Variants in GPSM1 observed in about 807,000 individuals in gnomAD.
The protein encoded by GPSM1 is G protein signaling modulator 1, also known as G protein-signaling modulator 1.
GPSM1 carries 48 observed loss-of-function variants against 70.5 expected under a neutral mutation model. The ratio of observed to expected loss-of-function variants is 0.68; its 90% CI spans 0.54 to 0.87. The LOEUF is 0.87. GPSM1 is among the 40% of genes least tolerant of loss of function. The probability of loss-of-function intolerance (pLI) is 0.00; values close to 1 mark genes in which losing one functional copy is unlikely to be tolerated. For synonymous variants in GPSM1, 416 were observed against 430.1 expected, an observed-to-expected ratio of 0.97 and a Z score of 0.41; for missense variants, 981 against 972.6, an observed-to-expected ratio of 1.01 and a Z score of -0.11.
Position 136,337,434 on chromosome 9 carries a change from C to G in GPSM1, c.579-7C>G. 1 of 1,568,604 alleles carries G rather than the reference C, an allele frequency of 6.4e-7. No homozygotes were observed. The highest frequency in any genetic ancestry group is 8.6e-7 in the Non-Finnish European group (1 of 1,156,948). On this transcript the variant is annotated splice_region_variant and splice_polypyrimidine_tract_variant and intron_variant, in intron 4 of 13. Transcript: ENST00000440944. Reference sequence around the variant, plus strand: ...AGGGACACGGCTCAGAGGCACTCGGCCCCCAGGAGGAACCTGTCCCTGGTG... The same window carrying G: ...AGGGACACGGCTCAGAGGCACTCGGGCCCCAGGAGGAACCTGTCCCTGGTG...
At chr9:136,330,756 G>C (rs1832080426) in intron 1 of GPSM1, among the ~76,000 whole-genome samples, 1 of 152,198 alleles carries the variant, frequency 6.6e-6, no homozygotes, top group South Asian at 2.1e-4. Context: ...ACGGCTTTCG[G>C]GTGGCCGGAG....
chr9:136,344,424 G>A (rs1832472303), intron 9 of GPSM1, among the ~76,000 whole-genome samples: 1 of 152,228 alleles, frequency 6.6e-6, no homozygotes, highest in Non-Finnish European at 1.5e-5. Context: ...GGTGCTGTGT[G>A]CTCGGGTGCT....
chr9:136,331,366 C>T (rs4075084), intron 1 of GPSM1, among the ~76,000 whole-genome samples: 10,160 of 140,852 alleles, frequency 0.072, 591 homozygotes, highest in African/African-American at 0.15. Flanking sequence ...GACTCTGAGC[C>T]CCCCCCCCCC....
In GPSM1 at chr9:136,333,682, G is replaced by A. The variant is rs562675837; in HGVS notation, c.69-765G>A. Among the ~76,000 whole-genome samples, 19 of 152,332 alleles carry A rather than the reference G, an allele frequency of 1.2e-4. No homozygotes were observed. In the South Asian group the frequency reaches 3.5e-3, roughly 28 times the overall value. On this transcript the variant is annotated intron_variant, in intron 1 of 13. Coordinates refer to ENST00000440944, the MANE Select transcript of GPSM1 (RefSeq NM_001145638.3). ...ACGGCGGAGTTCACCTTGGGATGGG[G>A]CGCCATCCACATCTTCCCACAGCAG... is the stretch of plus-strand genomic sequence containing the variant.
rs1832225487 is a variant in GPSM1, at chr9:136,336,032, G to A, written c.357G>A (p.Leu119=). The A allele has an allele frequency of 1.2e-6, 2 of 1,612,506 alleles. No homozygotes were observed. Among genetic ancestry groups the A allele is most frequent in the South Asian group, 1.1e-5 (1 of 91,034 alleles). ...ACCTGGGAAACACACTCAAGGTCCT[G>A]GGGCGCTTCGACGAGGCTGCCGTCT... The part of the protein sequence containing the change: ...SGNLGNTLKV[L]GRFDEAAVCC... The change falls in exon 3 of 14, where the codon CTG becomes CTA. Residue 119 remains leucine, a synonymous_variant. Transcript: ENST00000440944.
At chr9:136,339,288 T>A in intron 7 of GPSM1, among the ~76,000 whole-genome samples, 1 of 152,242 alleles carries the variant, frequency 6.6e-6, no homozygotes, top group East Asian at 1.9e-4. Flanking sequence ...TTAGACGCAT[T>A]TCCCTCCAAT....
rs116055529 is a variant in GPSM1 at position 136,358,297 on chromosome 9, G to A, written c.*77G>A. 3.1e-5 allele frequency: 41 copies of A among 1,304,250 alleles called. No homozygotes were observed. The highest frequency in any genetic ancestry group is 2.6e-4 in the Middle Eastern group (1 of 3,918). 80.8% of individuals were successfully genotyped at this position (1,304,250 alleles called of 1,614,324 possible). A position where few individuals can be genotyped will look rare whatever the true frequency, so the allele number is the denominator to read the frequency against. On this transcript the variant is annotated 3_prime_UTR_variant, in exon 14 of 14. Transcript: ENST00000440944. ...CTCACAGTCACAGCCACGTCCTCCC[G>A]AGGCCATTGCCGAGGACAGGCACTG...
chr9:136,327,793 C>CTGGGGCT, intron 1 of GPSM1, 30 bp downstream of exon 1: 1 of 1,012,052 alleles, frequency 9.9e-7, no homozygotes, highest in Non-Finnish European at 1.2e-6. Context: ...GGGCCGGGGC[C>CTGGGGCT]GGGGCTGGGA....
intron 2 of GPSM1, 145 bp downstream of exon 2, chr9:136,334,813 C>A: frequency 1.4e-6 from 1 of 690,652 alleles, no homozygotes; most frequent in South Asian, 1.8e-5. Flanking sequence ...GTGGGGATGG[C>A]CCTGCTGGCG....
intron 1 of GPSM1, chr9:136,331,939 A>AC (rs1832109748): frequency 5.0e-6 from 2 of 397,694 alleles, no homozygotes. Flanking sequence ...AGGCCAGCCC[A>AC]CCCCCCAGGA....
chr9:136,343,997 G>A lies in GPSM1; in HGVS notation c.1207+3004G>A, dbSNP rs777519253. On this transcript the variant is annotated intron_variant, in intron 9 of 13. Coordinates refer to ENST00000440944, the MANE Select transcript of GPSM1 (RefSeq NM_001145638.3). This position sits in a 1 kb window ranked among gnomAD's most constrained non-coding sequence, Gnocchi z 6.0. ...CTTGGTCACCAGGCTCCTGCCGTGT[G>A]CCAGGCACTGCTGGGGCCCTCACTG... 5.3e-5 allele frequency among the ~76,000 whole-genome samples: 8 copies of A among 152,180 alleles called. No homozygotes were observed. The highest frequency in any genetic ancestry group is 1.0e-4 in the Non-Finnish European group (7 of 68,020).
intron 13 of GPSM1, 68 bp downstream of exon 13, chr9:136,356,618 G>T: frequency 8.4e-7 from 1 of 1,189,404 alleles, no homozygotes; most frequent in Non-Finnish European, 1.2e-6. Flanking sequence ...GAGGCAACTT[G>T]TGTCCTGAGG....
chr9:136,327,791 GC>G, intron 1 of GPSM1, 28 bp downstream of exon 1: 2 of 1,035,060 alleles, frequency 1.9e-6, no homozygotes, highest in Non-Finnish European at 2.4e-6. Context: ...CGGGGCCGGG[GC>G]CGGGGCTGGG....
chr9:136,358,063 G>A lies in GPSM1; in HGVS notation c.1871G>A (p.Arg624Gln), dbSNP rs945987481. ...QRCPPPDVLP[R>Q]GPTMPDEDFF... is the part of the protein sequence containing the mutation. ...TGCCCGCCACCTGACGTACTGCCCC[G>A]GGGCCCTACCATGCCGGACGAGGAC... Residue 624 changes from arginine to glutamine, a missense_variant, in exon 14 of 14, where the codon CGG (arginine) becomes CAG (glutamine). Physicochemically the swap from Arg to Gln is conservative, Grantham distance 43. Transcript: ENST00000440944. The A allele has an allele frequency of 5.0e-6, 8 of 1,612,456 alleles. No individual in the cohort carries two copies. Among genetic ancestry groups the A allele is most frequent in the South Asian group, 2.2e-5 (2 of 91,080 alleles).
At chr9:136,347,662 G>A (rs1470983022) in intron 9 of GPSM1, among the ~76,000 whole-genome samples, 1 of 152,196 alleles carries the variant, frequency 6.6e-6, no homozygotes, top group East Asian at 1.9e-4. Flanking sequence ...CTCAGCCACA[G>A]CATCGGGCCC....
chr9:136,338,237 G>A (rs1251771289), intron 6 of GPSM1, among the ~76,000 whole-genome samples: 3 of 152,218 alleles, frequency 2.0e-5, no homozygotes, highest in African/African-American at 4.8e-5. Context: ...TGTCAGCACG[G>A]GGTCCTGTGC....
chr9:136,339,965 G>GGCCCCCCTCATCCTTTCAGGGCCA, intron 8 of GPSM1, 150 bp downstream of exon 8: 12 of 620,714 alleles, frequency 1.9e-5, no homozygotes, highest in Non-Finnish European at 2.6e-5. Flanking sequence ...CCGAGGCCTG[G>GGCCCCCCTCATCCTTTCAGGGCCA]TGATGACATG....
intron 1 of GPSM1, among the ~76,000 whole-genome samples, chr9:136,329,970 T>C (rs1294250123): frequency 1.4e-5 from 2 of 138,012 alleles, no homozygotes; most frequent in African/African-American, 5.6e-5. Flanking sequence ...GGGTTCTGGG[T>C]CAGTGGGGAT....
chr9:136,352,223 A>AACCAGCCCCTGC (rs1832688686), intron 11 of GPSM1, among the ~76,000 whole-genome samples: 2 of 54,184 alleles, frequency 3.7e-5, no homozygotes, highest in African/African-American at 1.5e-4. Flanking sequence ...TGTTGGTGAC[A>AACCAGCCCCTGC]CCGATGCTGC....
Sources: allele counts gnomAD v4.1 joint callset (sites outside exome capture counted in the v4.1 genomes callset), GRCh38; gene constraint gnomAD v4.1.1; non-coding constraint Gnocchi (gnomAD v3.1); transcripts MANE v1.5; gene names NCBI Gene and HGNC (gene_info 2026-07-23, HGNC 2026-07-21).